Variants in SRP9 observed in about 807,000 individuals in gnomAD.
SRP9 encodes signal recognition particle 9 kDa protein.
A neutral mutation model predicts 11.7 loss-of-function variants in SRP9; 2 were observed. The observed-to-expected ratio is 0.17, with a 90% CI of 0.07 to 0.54. SRP9 has a LOEUF of 0.54. SRP9 is among the 20% of genes least tolerant of loss of function. The probability of loss-of-function intolerance (pLI) is 0.94; values close to 1 mark genes in which losing one functional copy is unlikely to be tolerated. For synonymous variants in SRP9, 27 were observed against 35.6 expected (o/e 0.76, Z 0.86); for missense variants, 54 against 108.1 (o/e 0.50, Z 2.22).
chr1:225,780,756 C>T (rs1211105824), intron 1 of SRP9, among the ~76,000 whole-genome samples: 1 of 152,172 alleles, frequency 6.6e-6, no homozygotes, highest in Non-Finnish European at 1.5e-5. Context: ...TCTGTCTTCT[C>T]TCCGCAACAC....
At chr1:225,787,637 A>G (rs1017977449) in intron 2 of SRP9, among the ~76,000 whole-genome samples, 1 of 152,212 alleles carries the variant, frequency 6.6e-6, no homozygotes, top group Non-Finnish European at 1.5e-5. Context: ...GAATATAATT[A>G]AGGATCCATG....
rs1186548921 is a variant in SRP9 at position 225,790,175 on chromosome 1, T to TG, written c.*817dup. 1 of 152,254 alleles carries TG rather than the reference T, an allele frequency of 6.6e-6. No homozygotes were observed. Among genetic ancestry groups the TG allele is most frequent in the Non-Finnish European group, 1.5e-5 (1 of 68,040 alleles). 9.4% of individuals were successfully genotyped at this position (152,254 alleles called of 1,614,324 possible). ...GAACTGTCAAATCCTTGCATACTTC[T>TG]GTGACACCCCTGCCCATTTTCTGTC... On this transcript the variant is annotated 3_prime_UTR_variant, in exon 3 of 3. Coordinates refer to ENST00000304786, the MANE Select transcript of SRP9 (RefSeq NM_003133.6).
chr1:225,779,049 C>T (rs1488270514), intron 1 of SRP9, among the ~76,000 whole-genome samples: 1 of 151,756 alleles, frequency 6.6e-6, no homozygotes, highest in Non-Finnish European at 1.5e-5. Flanking sequence ...ATTATAGATC[C>T]AGTGTATTGT....
At chr1:225,787,633 A>G (rs576775513) in intron 2 of SRP9, among the ~76,000 whole-genome samples, 1 of 152,332 alleles carries the variant, frequency 6.6e-6, no homozygotes, top group South Asian at 2.1e-4. Flanking sequence ...GATTGAATAT[A>G]ATTAAGGATC....
chr1:225,786,845 C>CTTT (rs11441168), intron 2 of SRP9: 91 of 1,132,718 alleles, frequency 8.0e-5, no homozygotes, highest in Admixed American at 3.1e-4. Flanking sequence ...TGGTTGATTG[C>CTTT]TTTTTTTTTT....
chr1:225,782,473 C>T (rs910561592), intron 1 of SRP9, among the ~76,000 whole-genome samples: 16 of 152,118 alleles, frequency 1.1e-4, no homozygotes, highest in Admixed American at 3.9e-4. Flanking sequence ...CGATACTTAG[C>T]AGTTTTTAAA....
Position 225,777,831 on chromosome 1 carries a change from C to T in SRP9, c.-110C>T. On this transcript the variant is annotated 5_prime_UTR_variant, in exon 1 of 3. Coordinates refer to ENST00000304786, the MANE Select transcript of SRP9 (RefSeq NM_003133.6). ...AGGCGTTGGTGCGAGGAGGCGCCGC[C>T]ATCTTGGGGCTGCTGGGACTCGCGT... is the stretch of plus-strand genomic sequence containing the variant. 2 of 1,059,624 alleles carry T rather than the reference C, an allele frequency of 1.9e-6. No homozygotes were observed. Among genetic ancestry groups the T allele is most frequent in the Non-Finnish European group, 2.8e-6 (2 of 707,002 alleles). The allele number at this position is 1,059,624 out of a possible 1,614,324, so 65.6% of individuals were successfully genotyped here. A position where few individuals can be genotyped will look rare whatever the true frequency, so the allele number is the denominator to read the frequency against.
Position 225,786,485 on chromosome 1 carries a change from A to G in SRP9, c.142-2755A>G, listed in dbSNP as rs374283388. Reference sequence around the variant, plus strand: ...CTTTTTGTCTTTGGTCATATATTGTATTTGTGTTCAGGGTTCCATTATGAT... The same window carrying G: ...CTTTTTGTCTTTGGTCATATATTGTGTTTGTGTTCAGGGTTCCATTATGAT... On this transcript the variant is annotated intron_variant, in intron 2 of 2. Transcript: ENST00000304786. Among the ~76,000 whole-genome samples, 18 of 152,274 alleles carry G rather than the reference A, an allele frequency of 1.2e-4. 1 individual carries two copies. The East Asian group carries it at 1.7e-3, about 15-fold the overall frequency.
At chr1:225,779,886 C>A (rs1013460253) in intron 1 of SRP9, among the ~76,000 whole-genome samples, 2 of 152,210 alleles carry the variant, frequency 1.3e-5, no homozygotes, top group East Asian at 3.9e-4. Context: ...ATACTTGAGA[C>A]AACAGTAAAG....
At chr1:225,787,430 A>G (rs1665940919) in intron 2 of SRP9, among the ~76,000 whole-genome samples, 1 of 152,076 alleles carries the variant, frequency 6.6e-6, no homozygotes, top group Non-Finnish European at 1.5e-5. Context: ...TGGGAGGCTG[A>G]GGCAGGAGAA....
chr1:225,782,374 C>T (rs1033362678), intron 1 of SRP9, among the ~76,000 whole-genome samples: 1 of 152,008 alleles, frequency 6.6e-6, no homozygotes, highest in African/African-American at 2.4e-5. Flanking sequence ...CCGTGTTAGC[C>T]AGGATGGTCT....
intron 2 of SRP9, among the ~76,000 whole-genome samples, chr1:225,786,641 G>T (rs1665922206): frequency 6.6e-6 from 1 of 152,182 alleles, no homozygotes; most frequent in South Asian, 2.1e-4. Flanking sequence ...AGATTGAAGA[G>T]ATGTGAATCC....
chr1:225,787,904 TAAA>T, intron 2 of SRP9, among the ~76,000 whole-genome samples: 1 of 152,278 alleles, frequency 6.6e-6, no homozygotes, highest in South Asian at 2.1e-4. Context: ...AAGGCTCACT[TAAA>T]AAAATCAGTT....
intron 1 of SRP9, among the ~76,000 whole-genome samples, chr1:225,778,726 C>T (rs755159159): frequency 4.6e-5 from 7 of 152,270 alleles, no homozygotes; most frequent in Non-Finnish European, 8.8e-5. Flanking sequence ...TCGGGTCTTA[C>T]TTTTCGTCTC....
Position 225,781,338 on chromosome 1 carries a change from C to G in SRP9, c.73-1962C>G, listed in dbSNP as rs77603247. ...ATCTGACATGGTGACTTGGCACCCTCTAAATTACCAAATGGACCCTTTTAT... is the reference window on the plus strand; with the variant it reads ...ATCTGACATGGTGACTTGGCACCCTGTAAATTACCAAATGGACCCTTTTAT... On this transcript the variant is annotated intron_variant, in intron 1 of 2. Transcript: ENST00000304786. Among the ~76,000 whole-genome samples, 319 of 147,312 alleles carry G rather than the reference C, an allele frequency of 2.2e-3. 9 individuals are homozygous for G. In the East Asian group the frequency reaches 0.042, roughly 20 times the overall value.
In SRP9 at chr1:225,789,522, A is replaced by G. The variant is rs552802646; in HGVS notation, c.*163A>G. On this transcript the variant is annotated 3_prime_UTR_variant, in exon 3 of 3. Transcript: ENST00000304786. ...TTTTAATTACTTTAGAGAGCTAGGG[A>G]TGCAAATGTTTTCAGTTAGAAAGCC... 693 of 688,012 alleles carry G rather than the reference A, an allele frequency of 1.0e-3. No homozygotes were observed. The highest frequency in any genetic ancestry group is 1.0e-3 in the Non-Finnish European group (471 of 452,286). 42.6% of individuals were successfully genotyped at this position (688,012 alleles called of 1,614,324 possible).
At chr1:225,780,792 A>G (rs1035974984) in intron 1 of SRP9, among the ~76,000 whole-genome samples, 1 of 152,204 alleles carries the variant, frequency 6.6e-6, no homozygotes, top group Non-Finnish European at 1.5e-5. Context: ...TATACCCAGT[A>G]TCTTTTTACC....
Position 225,789,498 on chromosome 1 carries a change from T to C in SRP9, c.*139T>C, listed in dbSNP as rs1665985580. The C allele has an allele frequency of 2.0e-6, 2 of 980,358 alleles. No individual in the cohort carries two copies. Among genetic ancestry groups the C allele is most frequent in the Non-Finnish European group, 2.9e-6 (2 of 691,618 alleles). 60.7% of individuals were successfully genotyped at this position (980,358 alleles called of 1,614,324 possible). A position where few individuals can be genotyped will look rare whatever the true frequency, so the allele number is the denominator to read the frequency against. ...AGAGGTCATTTTTTGTAATTTTCTT[T>C]TTAATTACTTTAGAGAGCTAGGGAT... is the stretch of plus-strand genomic sequence containing the variant. On this transcript the variant is annotated 3_prime_UTR_variant, in exon 3 of 3. Transcript: ENST00000304786.
rs754193520 is a variant in SRP9, at chr1:225,778,023, G to A, written c.72+11G>A. 3 of 1,614,170 alleles carry A rather than the reference G, an allele frequency of 1.9e-6. No individual in the cohort carries two copies. In the South Asian group the frequency reaches 3.3e-5, roughly 18 times the overall value. On this transcript the variant is annotated intron_variant, in intron 1 of 2. Transcript: ENST00000304786. ...GCTGACCCTATGAAGGTAAATCGCT[G>A]GCGGGGCCGCTGCTTTGGGCCCCAG... is the stretch of plus-strand genomic sequence containing the variant.
Sources: gnomAD v4.1 joint callset for allele counts (sites outside exome capture counted in the v4.1 genomes callset) on GRCh38, gnomAD v4.1.1 for gene constraint, MANE v1.5 for transcripts, NCBI Gene and HGNC (gene_info 2026-07-23, HGNC 2026-07-21) for gene names.